The following PIEZO2 variants were observed in gnomAD, a reference collection of about 807,000 sequenced individuals.
PIEZO2 encodes the protein piezo-type mechanosensitive ion channel component 2.
A neutral mutation model predicts 337.3 loss-of-function variants in PIEZO2; 172 were observed. That is an observed-to-expected ratio of 0.51 (90% CI 0.45 to 0.58). The LOEUF is 0.58. Among genes scored for constraint, PIEZO2 ranks in the 20% least tolerant of loss-of-function variants. PIEZO2 has a pLI of 0.00. For missense variants in PIEZO2, 3,028 were observed against 3,391.3 expected (o/e 0.89, Z 2.66); for synonymous variants, 1,251 against 1,228.5 (o/e 1.02, Z -0.38).
chr18:10,887,968 T>C (rs143854444), intron 4 of PIEZO2, among the ~76,000 whole-genome samples: 6 of 152,250 alleles, frequency 3.9e-5, no homozygotes, highest in Non-Finnish European at 8.8e-5. Flanking sequence ...CATGTTTACT[T>C]TGTATGTGAT....
chr18:10,839,092 C>T (rs893183732), intron 7 of PIEZO2, among the ~76,000 whole-genome samples: 1 of 152,090 alleles, frequency 6.6e-6, no homozygotes, highest in Non-Finnish European at 1.5e-5. Context: ...TACATGTCAA[C>T]CAACAGCTCT....
intron 3 of PIEZO2, among the ~76,000 whole-genome samples, chr18:10,961,632 T>C (rs544016954): frequency 8.3e-4 from 126 of 152,184 alleles, no homozygotes; most frequent in African/African-American, 2.8e-3. Flanking sequence ...GTATAGAATA[T>C]AGTGCTCAGG....
chr18:10,718,637 T>C (rs1436841298), intron 36 of PIEZO2, among the ~76,000 whole-genome samples: 1 of 152,208 alleles, frequency 6.6e-6, no homozygotes, highest in African/African-American at 2.4e-5. Context: ...CATTTGTCTG[T>C]ATATTATCTA....
chr18:10,747,499 A>C (rs1415707216), intron 30 of PIEZO2, among the ~76,000 whole-genome samples: 1 of 152,234 alleles, frequency 6.6e-6, no homozygotes, highest in African/African-American at 2.4e-5. Flanking sequence ...TGCTCTGAAA[A>C]TAATGTCCTG....
chr18:11,126,355 C>A lies in PIEZO2; in HGVS notation c.64+22170G>T, dbSNP rs1045022150. 8.5e-5 allele frequency among the ~76,000 whole-genome samples: 13 copies of A among 152,162 alleles called. No homozygotes were observed. Among genetic ancestry groups the A allele is most frequent in the African/African-American group, 3.1e-4 (13 of 41,428 alleles). On this transcript the variant is annotated intron_variant, in intron 1 of 55. Coordinates refer to ENST00000674853, the MANE Select transcript of PIEZO2 (RefSeq NM_001378183.1). This position sits in a 1 kb window ranked among gnomAD's most constrained non-coding sequence, Gnocchi z 4.6. ...TCCTTTCTGTTCAAATGCAAGGACTCACCTCATTGCACTGCGCCAGCCTGA... is the reference window on the plus strand; with the variant it reads ...TCCTTTCTGTTCAAATGCAAGGACTAACCTCATTGCACTGCGCCAGCCTGA...
At chr18:10,965,069 G>A (rs1380400272) in intron 3 of PIEZO2, among the ~76,000 whole-genome samples, 1 of 152,042 alleles carries the variant, frequency 6.6e-6, no homozygotes, top group African/African-American at 2.4e-5. Flanking sequence ...CATGAATAGT[G>A]CTGCTCTGAA....
At position 10,861,115 on chromosome 18, in the gene PIEZO2, G is replaced by A. The variant is rs1469839027; in HGVS notation, c.493-3904C>T. On this transcript the variant is annotated intron_variant, in intron 5 of 55. Transcript: ENST00000674853. The surrounding 1 kb of genome is among the most constrained non-coding windows in gnomAD (Gnocchi z 4.3). ...ATTCTTCTGCTGATGTATAAACACT[G>A]AACCTCTGAAAGAGCATGGACTCAC... is the stretch of plus-strand genomic sequence containing the variant. Among the ~76,000 whole-genome samples the A allele has an allele frequency of 6.6e-6, 1 of 152,144 alleles. No individual in the cohort carries two copies. Among genetic ancestry groups the A allele is most frequent in the Non-Finnish European group, 1.5e-5 (1 of 68,032 alleles).
Position 11,094,578 on chromosome 18 carries a change from G to C in PIEZO2, c.65-28356C>G, listed in dbSNP as rs542781759. 3.9e-4 allele frequency among the ~76,000 whole-genome samples: 59 copies of C among 152,218 alleles called. No homozygotes were observed. In the Middle Eastern group the frequency reaches 0.017, roughly 44 times the overall value. On this transcript the variant is annotated intron_variant, in intron 1 of 55. Coordinates refer to ENST00000674853, the MANE Select transcript of PIEZO2 (RefSeq NM_001378183.1). The surrounding 1 kb of genome is among the most constrained non-coding windows in gnomAD (Gnocchi z 4.4). ...ATAAGTGCAGGCACTCAGAAGCCTC[G>C]CTGTCCCCTCTCTGAAGACAGATGG...
intron 17 of PIEZO2, among the ~76,000 whole-genome samples, 183 bp from the exon 18 acceptor site, chr18:10,780,549 A>G (rs2038943635): frequency 6.6e-6 from 1 of 152,180 alleles, no homozygotes; most frequent in Non-Finnish European, 1.5e-5. Flanking sequence ...CAGTAGCAAC[A>G]TTAAATCAGA....
chr18:10,840,926 C>T (rs957162410), intron 7 of PIEZO2, among the ~76,000 whole-genome samples: 3 of 152,244 alleles, frequency 2.0e-5, no homozygotes, highest in African/African-American at 7.2e-5. Context: ...AGTGATGACA[C>T]AGGCACACTA....
chr18:10,879,765 G>A (rs928929975), intron 4 of PIEZO2, among the ~76,000 whole-genome samples: 16 of 152,058 alleles, frequency 1.1e-4, no homozygotes, highest in Non-Finnish European at 8.8e-5. Flanking sequence ...AGGAACTCAA[G>A]GAAGCTGAAA....
At chr18:11,124,111 T>A (rs1294920960) in intron 1 of PIEZO2, among the ~76,000 whole-genome samples, 1 of 152,176 alleles carries the variant, frequency 6.6e-6, no homozygotes, top group Non-Finnish European at 1.5e-5. Context: ...TAAGTATATA[T>A]AATATTGTGC....
At chr18:11,142,051 C>T (rs2040665467) in intron 1 of PIEZO2, among the ~76,000 whole-genome samples, 1 of 152,072 alleles carries the variant, frequency 6.6e-6, no homozygotes, top group African/African-American at 2.4e-5. Context: ...CAGAATTGTG[C>T]CCAAACAGTA....
At chr18:10,721,044 A>C (rs950057688) in intron 36 of PIEZO2, among the ~76,000 whole-genome samples, 2 of 152,140 alleles carry the variant, frequency 1.3e-5, no homozygotes, top group African/African-American at 4.8e-5. Context: ...TTTAAAATGG[A>C]ACTTTGCAGT....
chr18:11,067,099 G>C (rs1795897989), intron 1 of PIEZO2, among the ~76,000 whole-genome samples: 1 of 152,040 alleles, frequency 6.6e-6, no homozygotes, highest in South Asian at 2.1e-4. Flanking sequence ...CAGCAAGACA[G>C]AAAGAAATGA....
At chr18:10,725,896 G>A (rs1312275075) in intron 36 of PIEZO2, among the ~76,000 whole-genome samples, 1 of 152,202 alleles carries the variant, frequency 6.6e-6, no homozygotes, top group Non-Finnish European at 1.5e-5. Context: ...GACTGGCCAG[G>A]CTGGGCAGGA....
At chr18:10,728,561 A>G (rs2036630599) in intron 36 of PIEZO2, 1 of 152,236 alleles carries the variant, frequency 6.6e-6, no homozygotes, top group African/African-American at 2.4e-5. Flanking sequence ...TTTTGAAGCT[A>G]TTAAAAAAGA....
rs146312519 is a variant in PIEZO2, at chr18:11,047,796, G to C, written c.160+18331C>G. 1.3e-5 allele frequency among the ~76,000 whole-genome samples: 2 copies of C among 152,148 alleles called. No individual in the cohort carries two copies. Among genetic ancestry groups the C allele is most frequent in the African/African-American group, 4.8e-5 (2 of 41,418 alleles). On this transcript the variant is annotated intron_variant, in intron 2 of 55. Coordinates refer to ENST00000674853, the MANE Select transcript of PIEZO2 (RefSeq NM_001378183.1). This position sits in a 1 kb window ranked among gnomAD's most constrained non-coding sequence, Gnocchi z 7.2. ...AAAGAGCAGTTTTCATTCCGCAGAT[G>C]CTATTAGACCCCAGGGAATGCGAAT...
At chr18:10,749,989 C>G in intron 29 of PIEZO2, 102 bp downstream of exon 29, 2 of 857,750 alleles carry the variant, frequency 2.3e-6, no homozygotes, top group South Asian at 3.0e-5. Flanking sequence ...ACTGACCCCA[C>G]TTTTATATCT....
Sources: allele counts gnomAD v4.1 joint callset (sites outside exome capture counted in the v4.1 genomes callset), GRCh38; gene constraint gnomAD v4.1.1; non-coding constraint Gnocchi (gnomAD v3.1); transcripts MANE v1.5; gene names NCBI Gene and HGNC (gene_info 2026-07-23, HGNC 2026-07-21).